Variants in NLGN1 observed in about 807,000 individuals in gnomAD.
The protein encoded by NLGN1 is neuroligin 1, also known as neuroligin-1.
In NLGN1, 12 loss-of-function variants were observed where a neutral mutation model predicts 65.5. That is an observed-to-expected ratio of 0.18 (90% CI 0.12 to 0.30). The LOEUF is 0.30. Ranked by LOEUF, NLGN1 falls within the 10% of genes least tolerant of loss-of-function variation. The probability of loss-of-function intolerance (pLI) is 1.00; values close to 1 mark genes in which losing one functional copy is unlikely to be tolerated. For missense variants in NLGN1, 750 were observed against 1,007.1 expected, an observed-to-expected ratio of 0.74 and a Z score of 3.46; for synonymous variants, 350 against 359.5, an observed-to-expected ratio of 0.97 and a Z score of 0.30.
chr3:174,293,720 T>C, the NLGN1 span, among the ~76,000 whole-genome samples: 9 of 151,646 alleles, frequency 5.9e-5, no homozygotes, highest in African/African-American at 2.2e-4. Context: ...CCAGGATTGC[T>C]GCTCAGGAGA....
intron 3 of NLGN1, among the ~76,000 whole-genome samples, chr3:173,785,314 A>C (rs1213408257): frequency 6.6e-6 from 1 of 152,146 alleles, no homozygotes. Flanking sequence ...ACTCTTTAGC[A>C]TTTATTCCCC....
chr3:174,096,346 C>T (rs964193409), intron 4 of NLGN1, among the ~76,000 whole-genome samples: 4 of 151,668 alleles, frequency 2.6e-5, no homozygotes, highest in African/African-American at 4.8e-5. Context: ...AAGGGTTCTC[C>T]GCAGAACATG....
rs186422897 is a variant in NLGN1 at position 173,924,321 on chromosome 3, C to T, written c.646+116489C>T. ...TAAGACCTGATAAAGGTCTCTCAAA[C>T]GTGAAAAATGTATTTCATTAAAATA... is the stretch of plus-strand genomic sequence containing the variant. On this transcript the variant is annotated intron_variant, in intron 4 of 6. Transcript: ENST00000457714. Among the ~76,000 whole-genome samples, 46 of 151,914 alleles carry T rather than the reference C, an allele frequency of 3.0e-4. 1 individual carries two copies. The highest frequency in any genetic ancestry group is 1.6e-3 in the Admixed American group (25 of 15,234).
intron 4 of NLGN1, among the ~76,000 whole-genome samples, chr3:174,183,780 G>A (rs1289586656): frequency 6.6e-6 from 1 of 152,076 alleles, no homozygotes; most frequent in Non-Finnish European, 1.5e-5. Context: ...GACAAGACAG[G>A]AAAGTGTGTT....
At chr3:173,626,123 C>T (rs1321449927) in intron 3 of NLGN1, among the ~76,000 whole-genome samples, 3 of 151,968 alleles carry the variant, frequency 2.0e-5, no homozygotes, top group Admixed American at 6.6e-5. Flanking sequence ...AATACAGTAG[C>T]GTCTAGCTCC....
chr3:174,264,862 G>A (rs1270194427), intron 4 of NLGN1, among the ~76,000 whole-genome samples: 1 of 151,766 alleles, frequency 6.6e-6, no homozygotes, highest in African/African-American at 2.4e-5. Flanking sequence ...TGGGTTTTTG[G>A]TGTGGATGTC....
intron 4 of NLGN1, among the ~76,000 whole-genome samples, chr3:173,818,455 G>A (rs538024856): frequency 3.9e-5 from 6 of 152,182 alleles, no homozygotes; most frequent in South Asian, 2.1e-4. Flanking sequence ...TAATTTTAAA[G>A]CTGTAAAATA....
chr3:174,105,227 G>C (rs996786534), intron 4 of NLGN1, among the ~76,000 whole-genome samples: 2 of 151,900 alleles, frequency 1.3e-5, no homozygotes, highest in Non-Finnish European at 2.9e-5. Context: ...AATTGAAGTT[G>C]AATTTCATTG....
intron 3 of NLGN1, among the ~76,000 whole-genome samples, chr3:173,656,888 A>G (rs908385930): frequency 5.3e-5 from 8 of 152,060 alleles, no homozygotes; most frequent in Non-Finnish European, 7.4e-5. Context: ...AAGACTTTGC[A>G]TACTACTCTG....
At chr3:173,919,034 A>G (rs1394459039) in intron 4 of NLGN1, among the ~76,000 whole-genome samples, 1 of 152,084 alleles carries the variant, frequency 6.6e-6, no homozygotes, top group African/African-American at 2.4e-5. Flanking sequence ...CAGTCACCAC[A>G]TCTTTTATCC....
chr3:173,398,047 T>C (rs975481393), upstream of NLGN1: 8 of 151,340 alleles, frequency 5.3e-5, no homozygotes, highest in African/African-American at 1.9e-4. Context: ...ACCAAGAGCA[T>C]GGAAATCGGC....
At chr3:174,231,153 T>A (rs1740628199) in intron 4 of NLGN1, among the ~76,000 whole-genome samples, 1 of 152,200 alleles carries the variant, frequency 6.6e-6, no homozygotes. Flanking sequence ...TTCACCGTCA[T>A]AATTTTCTCA....
At chr3:173,640,452 A>G (rs1757225985) in intron 3 of NLGN1, among the ~76,000 whole-genome samples, 1 of 152,090 alleles carries the variant, frequency 6.6e-6, no homozygotes, top group Non-Finnish European at 1.5e-5. Context: ...AACGTTTTTG[A>G]ATCATTTTAA....
chr3:173,415,054 T>A (rs948596060), intron 1 of NLGN1, among the ~76,000 whole-genome samples: 2 of 152,244 alleles, frequency 1.3e-5, no homozygotes, highest in Non-Finnish European at 2.9e-5. Context: ...TTCTCCTTGG[T>A]CTTTGATTCT....
chr3:174,255,938 C>T (rs1044220830), intron 4 of NLGN1, among the ~76,000 whole-genome samples: 2 of 152,056 alleles, frequency 1.3e-5, no homozygotes, highest in East Asian at 1.9e-4. Context: ...AGATTACAGG[C>T]GTGAGCCACT....
chr3:174,266,309 T>C (rs1238444812), intron 4 of NLGN1, among the ~76,000 whole-genome samples: 3 of 152,188 alleles, frequency 2.0e-5, no homozygotes, highest in South Asian at 2.1e-4. Context: ...AGATGCAGTA[T>C]TCTGTTTTCT....
At chr3:173,849,244 A>ATAG (rs1437652140) in intron 4 of NLGN1, among the ~76,000 whole-genome samples, 2 of 152,012 alleles carry the variant, frequency 1.3e-5, no homozygotes, top group African/African-American at 4.8e-5. Context: ...ATTACTCCAT[A>ATAG]TAGTAGTAGT....
chr3:173,641,894 C>G (rs528425226), intron 3 of NLGN1, among the ~76,000 whole-genome samples: 1 of 151,872 alleles, frequency 6.6e-6, no homozygotes, highest in East Asian at 1.9e-4. Flanking sequence ...ACTACAATGG[C>G]GGAGTTGATT....
At chr3:173,914,452 T>C (rs890569760) in intron 4 of NLGN1, among the ~76,000 whole-genome samples, 7 of 150,974 alleles carry the variant, frequency 4.6e-5, no homozygotes, top group African/African-American at 1.7e-4. Flanking sequence ...AAGGAGAAAA[T>C]AGAGGAGAAA....
Sources: allele counts gnomAD v4.1 joint callset (sites outside exome capture counted in the v4.1 genomes callset), GRCh38; gene constraint gnomAD v4.1.1; transcripts MANE v1.5; gene names NCBI Gene and HGNC (gene_info 2026-07-23, HGNC 2026-07-21).